Variants in CSMD1 observed in about 807,000 individuals in gnomAD.
The protein encoded by CSMD1 is CUB and Sushi multiple domains 1.
A neutral mutation model predicts 417.5 loss-of-function variants in CSMD1; 213 were observed. The ratio of observed to expected loss-of-function variants is 0.51; its 90% CI spans 0.46 to 0.57. CSMD1 has a LOEUF of 0.57. Ranked by LOEUF, CSMD1 falls within the 20% of genes least tolerant of loss-of-function variation. CSMD1 has a pLI of 0.00. For synonymous variants in CSMD1, 2,862 were observed against 1,736.8 expected (o/e 1.65, Z -16.11); for missense variants, 6,923 against 4,529.7 (o/e 1.53, Z -15.17).
At chr8:2,945,017 A>T (rs966959973) in intron 68 of CSMD1, among the ~76,000 whole-genome samples, 1 of 152,226 alleles carries the variant, frequency 6.6e-6, no homozygotes, top group Non-Finnish European at 1.5e-5. Flanking sequence ...CCGTGAGATT[A>T]TCACATGCCT....
chr8:3,426,956 G>A (rs1813883163), intron 12 of CSMD1, among the ~76,000 whole-genome samples: 2 of 152,216 alleles, frequency 1.3e-5, no homozygotes, highest in African/African-American at 4.8e-5. Flanking sequence ...GGAAGGTAAA[G>A]GGGAAGCAAA....
chr8:3,663,410 G>A (rs960694645), intron 7 of CSMD1, among the ~76,000 whole-genome samples: 4 of 152,084 alleles, frequency 2.6e-5, no homozygotes, highest in African/African-American at 4.8e-5. Flanking sequence ...TTTAAGACAT[G>A]TGGACAGGAA....
intron 2 of CSMD1, among the ~76,000 whole-genome samples, chr8:4,590,888 C>G (rs1422280252): frequency 6.6e-6 from 1 of 152,172 alleles, no homozygotes; most frequent in Non-Finnish European, 1.5e-5. Context: ...CAGAACTCAT[C>G]GTACACATTT....
intron 6 of CSMD1, among the ~76,000 whole-genome samples, chr8:3,725,376 G>A (rs1437509905): frequency 6.6e-6 from 1 of 152,176 alleles, no homozygotes; most frequent in Non-Finnish European, 1.5e-5. Context: ...GAACCTGGAT[G>A]ACCAGGATAG....
chr8:3,559,121 G>C (rs1382068941), intron 10 of CSMD1, among the ~76,000 whole-genome samples: 1 of 152,212 alleles, frequency 6.6e-6, no homozygotes, highest in East Asian at 1.9e-4. Context: ...TATCAACGCT[G>C]TTGAAATACA....
chr8:3,407,843 G>T, intron 14 of CSMD1, 56 bp downstream of exon 14: 1 of 1,444,266 alleles, frequency 6.9e-7, no homozygotes, highest in Non-Finnish European at 9.3e-7. Context: ...TAAGCAAAAT[G>T]GGAACATGTA....
intron 50 of CSMD1, among the ~76,000 whole-genome samples, chr8:3,047,213 CAA>C (rs749861179): frequency 2.3e-3 from 165 of 73,070 alleles, no homozygotes; most frequent in African/African-American, 8.1e-3. Context: ...GACTCCCTCT[CAA>C]AAAAAAAAAA....
chr8:4,217,179 G>A (rs531402039), intron 3 of CSMD1, among the ~76,000 whole-genome samples: 13 of 152,194 alleles, frequency 8.5e-5, no homozygotes, highest in East Asian at 5.8e-4. Flanking sequence ...TTTTCATGCC[G>A]CTGCTTATCA....
intron 3 of CSMD1, among the ~76,000 whole-genome samples, chr8:4,229,046 C>A (rs1014233623): frequency 2.0e-5 from 3 of 152,226 alleles, no homozygotes; most frequent in Non-Finnish European, 4.4e-5. Flanking sequence ...TCTCAACCAC[C>A]TGGGATATCA....
intron 1 of CSMD1, among the ~76,000 whole-genome samples, chr8:4,796,595 G>A (rs994442065): frequency 6.6e-5 from 10 of 151,732 alleles, no homozygotes; most frequent in South Asian, 2.1e-4. Flanking sequence ...TGCAGACCTC[G>A]GCTCCAAGAC....
chr8:4,694,515 C>A, intron 1 of CSMD1, among the ~76,000 whole-genome samples: 1 of 151,882 alleles, frequency 6.6e-6, no homozygotes, highest in African/African-American at 2.4e-5. Flanking sequence ...GTCACCATGC[C>A]AGGCTAATTT....
At chr8:4,196,001 T>A (rs1374698468) in intron 3 of CSMD1, among the ~76,000 whole-genome samples, 1 of 151,904 alleles carries the variant, frequency 6.6e-6, no homozygotes, top group African/African-American at 2.4e-5. Context: ...CATGAGGTCA[T>A]GCGATCGAGA....
chr8:3,312,857 T>C (rs185034936), intron 23 of CSMD1, among the ~76,000 whole-genome samples: 1 of 152,288 alleles, frequency 6.6e-6, no homozygotes, highest in East Asian at 1.9e-4. Flanking sequence ...GGCTGTTACT[T>C]TATCCACATT....
At chr8:3,519,038 C>T (rs894929768) in intron 10 of CSMD1, among the ~76,000 whole-genome samples, 1 of 152,294 alleles carries the variant, frequency 6.6e-6, no homozygotes, top group South Asian at 2.1e-4. Context: ...GTTTCTATCG[C>T]AACATTTTAA....
At chr8:3,690,102 T>C (rs562115399) in intron 7 of CSMD1, among the ~76,000 whole-genome samples, 1 of 152,304 alleles carries the variant, frequency 6.6e-6, no homozygotes, top group East Asian at 1.9e-4. Context: ...CCAACATCTG[T>C]AATCCCAGCA....
rs181212594 is a variant in CSMD1, at chr8:3,106,520, G to A, written c.6949+8C>T. 1.9e-6 allele frequency: 3 copies of A among 1,573,706 alleles called. No homozygotes were observed. Among genetic ancestry groups the A allele is most frequent in the African/African-American group, 1.3e-5 (1 of 74,276 alleles). On this transcript the variant is annotated splice_region_variant and intron_variant, in intron 46 of 69. Coordinates refer to ENST00000635120, the MANE Select transcript of CSMD1 (RefSeq NM_033225.6). ...GTTTATGTAGTTTTAGTATCGAACA[G>A]TGCATACCTTCACATGTTGGGAGAG...
intron 5 of CSMD1, among the ~76,000 whole-genome samples, chr8:3,797,937 T>C (rs1296181532): frequency 1.3e-5 from 2 of 152,030 alleles, no homozygotes; most frequent in African/African-American, 4.8e-5. Context: ...GTTTTGTAAT[T>C]TTAGCTGTTC....
intron 6 of CSMD1, among the ~76,000 whole-genome samples, chr8:3,726,236 C>A (rs1379075719): frequency 1.3e-5 from 2 of 152,176 alleles, no homozygotes; most frequent in African/African-American, 4.8e-5. Flanking sequence ...ACTGTAAACC[C>A]ATGAGAGGCT....
At chr8:4,747,277 C>T (rs549753089) in intron 1 of CSMD1, among the ~76,000 whole-genome samples, 1 of 152,262 alleles carries the variant, frequency 6.6e-6, no homozygotes, top group South Asian at 2.1e-4. Flanking sequence ...TGAAAACAAG[C>T]CCTATTTTCT....
Sources: gnomAD v4.1 joint callset for allele counts (sites outside exome capture counted in the v4.1 genomes callset) on GRCh38, gnomAD v4.1.1 for gene constraint, MANE v1.5 for transcripts, NCBI Gene and HGNC (gene_info 2026-07-23, HGNC 2026-07-21) for gene names.